Variants in CDK6 observed in about 807,000 individuals in gnomAD.
CDK6 encodes cyclin dependent kinase 6.
In CDK6, 6 loss-of-function variants were observed where a neutral mutation model predicts 37.1. The ratio of observed to expected loss-of-function variants is 0.16; its 90% CI spans 0.09 to 0.32. The LOEUF (loss-of-function observed/expected upper bound fraction) is 0.32, where lower values mean the gene tolerates loss of function less well. CDK6 is among the 10% of genes least tolerant of loss of function. The pLI is 1.00. For missense variants in CDK6, 224 were observed against 418.9 expected (o/e 0.53, Z 4.06); for synonymous variants, 160 against 161.3 (o/e 0.99, Z 0.06).
chr7:92,829,361 G>T (rs1385988257), intron 2 of CDK6, among the ~76,000 whole-genome samples: 2 of 152,180 alleles, frequency 1.3e-5, no homozygotes, highest in Middle Eastern at 3.4e-3. Context: ...GCCAATACTT[G>T]AATTTGAATT....
At chr7:92,783,969 C>T (rs557088551) in intron 2 of CDK6, among the ~76,000 whole-genome samples, 86 of 152,122 alleles carry the variant, frequency 5.7e-4, no homozygotes, top group African/African-American at 2.0e-3. Flanking sequence ...GGCACTTCTA[C>T]GTCATCAAAC....
At chr7:92,649,927 C>A (rs1796534404) in intron 5 of CDK6, among the ~76,000 whole-genome samples, 1 of 152,216 alleles carries the variant, frequency 6.6e-6, no homozygotes, top group South Asian at 2.1e-4. Flanking sequence ...TAAATAACAA[C>A]CAGACCTTGT....
At chr7:92,699,975 G>T (rs1484386619) in intron 4 of CDK6, among the ~76,000 whole-genome samples, 2 of 152,182 alleles carry the variant, frequency 1.3e-5, no homozygotes, top group Admixed American at 1.3e-4. Flanking sequence ...TATGGATAAG[G>T]TACATAAAGT....
chr7:92,654,909 A>C (rs955917666), intron 5 of CDK6, among the ~76,000 whole-genome samples: 16 of 152,146 alleles, frequency 1.1e-4, no homozygotes, highest in African/African-American at 3.6e-4. Flanking sequence ...GCAATGGCAC[A>C]ATCATGGCTC....
intron 3 of CDK6, among the ~76,000 whole-genome samples, chr7:92,770,407 T>C (rs1207295541): frequency 1.3e-5 from 2 of 151,288 alleles, no homozygotes; most frequent in African/African-American, 4.9e-5. Flanking sequence ...TCTCATGAAC[T>C]TCTCAATGAA....
At position 92,735,267 on chromosome 7, in the gene CDK6, T is replaced by C. The variant is rs560981194; in HGVS notation, c.370-9474A>G. Among the ~76,000 whole-genome samples, 7 of 152,354 alleles carry C rather than the reference T, an allele frequency of 4.6e-5. No homozygotes were observed. In the South Asian group the frequency reaches 1.4e-3, roughly 32 times the overall value. On this transcript the variant is annotated intron_variant, in intron 3 of 7. Coordinates refer to ENST00000424848, the MANE Select transcript of CDK6 (RefSeq NM_001145306.2). ...AGTACAGATTTTTTATTTCATTTTT[T>C]ACTTTTGTCAACTTTTATTTTAGAA... is the stretch of plus-strand genomic sequence containing the variant.
intron 4 of CDK6, among the ~76,000 whole-genome samples, chr7:92,705,661 G>A (rs576773080): frequency 1.3e-4 from 20 of 152,302 alleles, no homozygotes; most frequent in Admixed American, 3.3e-4. Flanking sequence ...CACTACTTAT[G>A]TGGCCAAACC....
chr7:92,722,174 T>C (rs891986636), intron 4 of CDK6, among the ~76,000 whole-genome samples: 1 of 152,086 alleles, frequency 6.6e-6, no homozygotes, highest in Non-Finnish European at 1.5e-5. Flanking sequence ...TGTAAATATA[T>C]ATATATTAAC....
At chr7:92,651,428 G>T (rs1190425854) in intron 5 of CDK6, among the ~76,000 whole-genome samples, 2 of 152,060 alleles carry the variant, frequency 1.3e-5, no homozygotes, top group Non-Finnish European at 2.9e-5. Flanking sequence ...TGCTAAATCT[G>T]CCCCAAAACA....
chr7:92,727,914 C>T (rs1253050885), intron 3 of CDK6, among the ~76,000 whole-genome samples: 1 of 152,152 alleles, frequency 6.6e-6, no homozygotes, highest in East Asian at 1.9e-4. Context: ...CACATGCACA[C>T]AACTTGTAAG....
At chr7:92,651,755 CTTT>C (rs201093773) in intron 5 of CDK6, among the ~76,000 whole-genome samples, 5 of 141,434 alleles carry the variant, frequency 3.5e-5, no homozygotes, top group Admixed American at 7.1e-5. Flanking sequence ...TACTAAAAAA[CTTT>C]TTTTTTTTTT....
At chr7:92,663,320 C>T (rs570717148) in intron 5 of CDK6, among the ~76,000 whole-genome samples, 1 of 152,172 alleles carries the variant, frequency 6.6e-6, no homozygotes, top group East Asian at 1.9e-4. Flanking sequence ...GATGCCGCCA[C>T]AGGGAAAGGC....
At position 92,835,145 on chromosome 7, in the gene CDK6, A is replaced by G. The variant is rs1801620362; in HGVS notation, c.-368+1333T>C. 1 of 152,040 alleles carries G rather than the reference A, an allele frequency of 6.6e-6. No individual in the cohort carries two copies. The allele number at this position is 152,040 out of a possible 1,614,324, so 9.4% of individuals were successfully genotyped here. On this transcript the variant is annotated intron_variant, in intron 1 of 7. Coordinates refer to ENST00000424848, the MANE Select transcript of CDK6 (RefSeq NM_001145306.2). The surrounding 1 kb of genome is among the most constrained non-coding windows in gnomAD (Gnocchi z 4.2). ...GAGCAGAGCTTCTGGCACTCACTAC[A>G]TTCAGAACTTTCCTTAAAAGCCGAG...
chr7:92,825,755 G>C (rs1457086812), intron 2 of CDK6, among the ~76,000 whole-genome samples: 1 of 152,104 alleles, frequency 6.6e-6, no homozygotes, highest in African/African-American at 2.4e-5. Flanking sequence ...TCAAGCAATT[G>C]ATCAAAATGT....
chr7:92,764,079 C>T (rs1319919063), intron 3 of CDK6, among the ~76,000 whole-genome samples: 1 of 151,056 alleles, frequency 6.6e-6, no homozygotes, highest in African/African-American at 2.4e-5. Context: ...GGGTTTAGTC[C>T]ATTTTCCAGG....
intron 2 of CDK6, among the ~76,000 whole-genome samples, chr7:92,814,193 G>A (rs1800963297): frequency 6.6e-6 from 1 of 152,126 alleles, no homozygotes; most frequent in Non-Finnish European, 1.5e-5. Context: ...TATATCAACA[G>A]TATGAAAACC....
At chr7:92,752,284 G>A (rs1799207231) in intron 3 of CDK6, among the ~76,000 whole-genome samples, 1 of 152,308 alleles carries the variant, frequency 6.6e-6, no homozygotes, top group African/African-American at 2.4e-5. Context: ...TAAACTTGCA[G>A]ACTAGACAAT....
At chr7:92,681,303 G>A (rs1014210542) in intron 4 of CDK6, among the ~76,000 whole-genome samples, 1 of 152,150 alleles carries the variant, frequency 6.6e-6, no homozygotes, top group Admixed American at 6.5e-5. Flanking sequence ...CATCTTGGGG[G>A]AAGAGAGCCA....
At chr7:92,730,641 T>C (rs1196062428) in intron 3 of CDK6, among the ~76,000 whole-genome samples, 2 of 152,246 alleles carry the variant, frequency 1.3e-5, no homozygotes, top group Non-Finnish European at 2.9e-5. Flanking sequence ...GGATTTGTCT[T>C]TTTGTGAGTG....
Sources: gnomAD v4.1 joint callset for allele counts (sites outside exome capture counted in the v4.1 genomes callset) on GRCh38, gnomAD v4.1.1 for gene constraint, Gnocchi (gnomAD v3.1) non-coding constraint, MANE v1.5 for transcripts, NCBI Gene and HGNC (gene_info 2026-07-23, HGNC 2026-07-21) for gene names.